CD9: variants seen among roughly 807,000 people sequenced by gnomAD.
CD9 encodes the protein CD9 antigen.
In CD9, 10 loss-of-function variants were observed where a neutral mutation model predicts 31.4. The observed-to-expected ratio is 0.32, with a 90% CI of 0.20 to 0.54. CD9 has a LOEUF of 0.54. CD9 is among the 20% of genes least tolerant of loss of function. The probability of loss-of-function intolerance (pLI) is 0.94; values close to 1 mark genes in which losing one functional copy is unlikely to be tolerated. For missense variants in CD9, 259 were observed against 300.1 expected, an observed-to-expected ratio of 0.86 and a Z score of 1.01; for synonymous variants, 113 against 114.1, an observed-to-expected ratio of 0.99 and a Z score of 0.06.
rs957624385 is a variant in CD9 at position 6,237,916 on chromosome 12, T to A, written c.*88T>A. The A allele has an allele frequency of 2.8e-6, 3 of 1,053,076 alleles. No individual in the cohort carries two copies. Among genetic ancestry groups the A allele is most frequent in the Non-Finnish European group, 4.4e-6 (3 of 689,342 alleles). The allele number at this position is 1,053,076 out of a possible 1,614,324, so 65.2% of individuals were successfully genotyped here. On this transcript the variant is annotated 3_prime_UTR_variant, in exon 8 of 8. Coordinates refer to ENST00000009180, the MANE Select transcript of CD9 (RefSeq NM_001769.4). The stretch of plus-strand genomic sequence containing the variant: ...TTTGTTTTGTTTTGTTTGTTGTTTG[T>A]TGTTTGTTTTTTTGCCACTAATTTT...
rs796084339 is a variant in CD9 at position 6,237,905 on chromosome 12, T to C, written c.*77T>C. 107 of 1,061,806 alleles carry C rather than the reference T, an allele frequency of 1.0e-4. No homozygotes were observed. The highest frequency in any genetic ancestry group is 4.2e-4 in the Middle Eastern group (2 of 4,710). The allele number at this position is 1,061,806 out of a possible 1,614,324, so 65.8% of individuals were successfully genotyped here. ...TTTTTTGTTTGTTTGTTTTGTTTTG[T>C]TTGTTGTTTGTTGTTTGTTTTTTTG... is the stretch of plus-strand genomic sequence containing the variant. On this transcript the variant is annotated 3_prime_UTR_variant, in exon 8 of 8. Transcript: ENST00000009180.
intron 7 of CD9, 147 bp downstream of exon 7, chr12:6,236,422 A>T (rs2270173): frequency 1.5e-6 from 1 of 683,614 alleles, no homozygotes; most frequent in Admixed American, 2.5e-5. Context: ...CCACTAGGGA[A>T]TGGAGAGACA....
chr12:6,236,704 A>T (rs918155096), intron 7 of CD9: 2 of 387,816 alleles, frequency 5.2e-6, no homozygotes, highest in Non-Finnish European at 9.1e-6. Flanking sequence ...TCTCTCGCTA[A>T]TCAGCCCCTA....
chr12:6,230,116 A>G (rs576387419), intron 2 of CD9, among the ~76,000 whole-genome samples: 2 of 152,162 alleles, frequency 1.3e-5, no homozygotes, highest in Non-Finnish European at 2.9e-5. Flanking sequence ...CGTGACTTCC[A>G]TGGGGCCTGC....
At chr12:6,212,440 G>T (rs1276810414) in intron 1 of CD9, among the ~76,000 whole-genome samples, 2 of 152,154 alleles carry the variant, frequency 1.3e-5, no homozygotes, top group Non-Finnish European at 2.9e-5. Flanking sequence ...GTAAAGTAAT[G>T]GCCTGCACCA....
chr12:6,236,224 C>A lies in CD9; in HGVS notation c.570C>A (p.Asp190Glu), dbSNP rs755735383. The part of the protein sequence containing the change: ...SCPDAIKEVF[D>E]NKFHIIGAVG... Reference sequence around the variant, plus strand: ...CTGATGCCATCAAAGAGGTCTTCGACAATAAATTCCACATCATCGGCGCAG... The same window carrying A: ...CTGATGCCATCAAAGAGGTCTTCGAAAATAAATTCCACATCATCGGCGCAG... Residue 190 changes from aspartate to glutamate, a missense_variant, in exon 7 of 8, where the codon GAC becomes GAA. Asp to Glu is a conservative substitution (Grantham distance 45). Coordinates refer to ENST00000009180, the MANE Select transcript of CD9 (RefSeq NM_001769.4). 1 of 1,614,226 alleles carries A rather than the reference C, an allele frequency of 6.2e-7. No homozygotes were observed. The highest frequency in any genetic ancestry group is 8.5e-7 in the Non-Finnish European group (1 of 1,180,044).
Position 6,232,173 on chromosome 12 carries a change from C to G in CD9, c.176-459C>G. The stretch of plus-strand genomic sequence containing the variant: ...GGGGGTGCCTAGGTGTGCACGGCCC[C>G]TTCCTGCTGGAAATCTGCTCTGACA... On this transcript the variant is annotated intron_variant, in intron 2 of 7. Coordinates refer to ENST00000009180, the MANE Select transcript of CD9 (RefSeq NM_001769.4). The surrounding 1 kb of genome is among the most constrained non-coding windows in gnomAD (Gnocchi z 4.8). The G allele has an allele frequency of 5.0e-6, 1 of 198,058 alleles. No homozygotes were observed. Among genetic ancestry groups the G allele is most frequent in the Non-Finnish European group, 1.1e-5 (1 of 95,032 alleles). The allele number at this position is 198,058 out of a possible 1,614,324, so 12.3% of individuals were successfully genotyped here. A position where few individuals can be genotyped will look rare whatever the true frequency, so the allele number is the denominator to read the frequency against.
rs3216512 is a variant in CD9, at chr12:6,217,358, C to CA, written c.67-8060dup. Reference sequence around the variant, plus strand: ...GCAACACGGTGAAACCCTGTCTCTACAAAAAAAATAAGAAAAAAAAAAATT... The same window carrying CA: ...GCAACACGGTGAAACCCTGTCTCTACAAAAAAAAATAAGAAAAAAAAAAATT... On this transcript the variant is annotated intron_variant, in intron 1 of 7. Transcript: ENST00000009180. Among the ~76,000 whole-genome samples, 992 of 150,048 alleles carry CA rather than the reference C, an allele frequency of 6.6e-3. 11 individuals are homozygous for CA. Among genetic ancestry groups the CA allele is most frequent in the African/African-American group, 0.022 (908 of 40,710 alleles).
intron 1 of CD9, among the ~76,000 whole-genome samples, chr12:6,217,838 C>T (rs1946257083): frequency 6.6e-6 from 1 of 152,226 alleles, no homozygotes; most frequent in African/African-American, 2.4e-5. Context: ...AAGGCATCCT[C>T]AGCAAGAAAT....
chr12:6,227,458 G>A (rs532301309), intron 2 of CD9, among the ~76,000 whole-genome samples: 2 of 152,104 alleles, frequency 1.3e-5, no homozygotes, highest in Admixed American at 6.5e-5. Flanking sequence ...TTGGCTTCCC[G>A]AAGTGATGGG....
intron 6 of CD9, 129 bp downstream of exon 6, chr12:6,235,694 A>G: frequency 6.9e-7 from 1 of 1,438,876 alleles, no homozygotes; most frequent in Non-Finnish European, 9.1e-7. Context: ...GCCCCAGGGC[A>G]CCCATCTCTT....
At position 6,232,603 on chromosome 12, in the gene CD9, G is replaced by T. The variant is rs766063609; in HGVS notation, c.176-29G>T. On this transcript the variant is annotated intron_variant, in intron 2 of 7. Coordinates refer to ENST00000009180, the MANE Select transcript of CD9 (RefSeq NM_001769.4). The surrounding 1 kb of genome is among the most constrained non-coding windows in gnomAD (Gnocchi z 4.8). ...TGGGCCTCTGAACTGATGTCTCCAC[G>T]CGTGTGTGCTTCCTCTGTCCTCCCG... The T allele has an allele frequency of 2.1e-6, 3 of 1,415,882 alleles. No individual in the cohort carries two copies. In the Admixed American group the frequency reaches 5.8e-5, roughly 28 times the overall value. 87.7% of individuals were successfully genotyped at this position (1,415,882 alleles called of 1,614,324 possible).
intron 2 of CD9, among the ~76,000 whole-genome samples, chr12:6,229,251 C>A (rs1028917993): frequency 2.0e-5 from 3 of 152,312 alleles, no homozygotes; most frequent in Admixed American, 6.5e-5. Flanking sequence ...GAATGCCCCC[C>A]CTTCCTCGGC....
intron 2 of CD9, chr12:6,225,785 T>G: frequency 2.0e-6 from 1 of 505,390 alleles, no homozygotes; most frequent in Non-Finnish European, 3.5e-6. Flanking sequence ...TCTGATGTGA[T>G]GTAGCCTCTG....
At chr12:6,201,328 C>A (rs1025338962) in intron 1 of CD9, among the ~76,000 whole-genome samples, 4 of 152,226 alleles carry the variant, frequency 2.6e-5, no homozygotes, top group African/African-American at 9.6e-5. Context: ...GAGGAGGGGG[C>A]AGATACCTAT....
intron 7 of CD9, 23 bp from the exon 8 acceptor site, chr12:6,237,740 T>TCAAC: frequency 6.3e-7 from 1 of 1,593,172 alleles, no homozygotes; most frequent in Non-Finnish European, 8.6e-7. Context: ...ACCCTGATCC[T>TCAAC]CATGTTTCTT....
chr12:6,210,631 A>G (rs1297990763), intron 1 of CD9, among the ~76,000 whole-genome samples: 1 of 152,180 alleles, frequency 6.6e-6, no homozygotes, highest in East Asian at 1.9e-4. Flanking sequence ...TTAAAGATCG[A>G]AAACACCACT....
Position 6,232,992 on chromosome 12 carries a change from C to T in CD9, c.273+263C>T, listed in dbSNP as rs1174284993. ...CTCGAGGACCACGTTTGCTTTTTTT[C>T]CCTGAATCCACAGGTACCTTTGCCT... On this transcript the variant is annotated intron_variant, in intron 3 of 7. Transcript: ENST00000009180. The surrounding 1 kb of genome is among the most constrained non-coding windows in gnomAD (Gnocchi z 4.8). The T allele has an allele frequency of 1.4e-6, 1 of 702,378 alleles. No individual in the cohort carries two copies. Among genetic ancestry groups the T allele is most frequent in the Non-Finnish European group, 2.6e-6 (1 of 384,822 alleles). 43.5% of individuals were successfully genotyped at this position (702,378 alleles called of 1,614,324 possible).
chr12:6,216,428 G>A (rs768148514), intron 1 of CD9, among the ~76,000 whole-genome samples: 23 of 152,198 alleles, frequency 1.5e-4, no homozygotes, highest in Non-Finnish European at 2.6e-4. Flanking sequence ...GGGCTGACAA[G>A]CATCTTATTG....
Sources: allele counts gnomAD v4.1 joint callset (sites outside exome capture counted in the v4.1 genomes callset), GRCh38; gene constraint gnomAD v4.1.1; non-coding constraint Gnocchi (gnomAD v3.1); transcripts MANE v1.5; gene names NCBI Gene and HGNC (gene_info 2026-07-23, HGNC 2026-07-21).